The following BABAM2 variants were observed in gnomAD, a reference collection of about 807,000 sequenced individuals.
BABAM2 encodes BRISC and BRCA1 A complex member 2.
In BABAM2, 31 loss-of-function variants were observed where a neutral mutation model predicts 54.7. That is an observed-to-expected ratio of 0.57 (90% confidence interval 0.43 to 0.77). The LOEUF is 0.77. BABAM2 is among the 30% of genes least tolerant of loss of function. BABAM2 has a pLI of 0.00. For synonymous variants in BABAM2, 167 were observed against 162.9 expected (o/e 1.03, Z -0.19); for missense variants, 364 against 455.8 (o/e 0.80, Z 1.83).
At chr2:27,901,204 A>T (rs577422090) in intron 2 of BABAM2, among the ~76,000 whole-genome samples, 19 of 152,212 alleles carry the variant, frequency 1.2e-4, no homozygotes, top group African/African-American at 4.3e-4. Flanking sequence ...GCTCTGTGTT[A>T]ATTTGATCAC....
At chr2:28,016,053 G>A (rs1344094162) in intron 4 of BABAM2, 2 of 707,250 alleles carry the variant, frequency 2.8e-6, no homozygotes, top group African/African-American at 1.8e-5. Flanking sequence ...TTTCTGACAT[G>A]GACCTTTCAG....
At chr2:27,987,834 A>G (rs1672512330) in intron 3 of BABAM2, among the ~76,000 whole-genome samples, 159 bp from the exon 4 acceptor site, 1 of 151,222 alleles carries the variant, frequency 6.6e-6, no homozygotes, top group Non-Finnish European at 1.5e-5. Flanking sequence ...AAAAAAAAAG[A>G]TATCAGTTTA....
chr2:28,302,865 T>A (rs1248950082), intron 11 of BABAM2, among the ~76,000 whole-genome samples: 4 of 152,220 alleles, frequency 2.6e-5, no homozygotes, highest in Non-Finnish European at 5.9e-5. Flanking sequence ...TATTGGTTTA[T>A]CTCTTTCATG....
Position 27,929,816 on chromosome 2 carries a change from T to C in BABAM2, c.129-16T>C. ...TAAAAAATCTTTTCTTTCTTCTGTT[T>C]CTGCATTTTTTAAAGCTGCACATCA... On this transcript the variant is annotated splice_polypyrimidine_tract_variant and intron_variant, in intron 2 of 11. Transcript: ENST00000379624. The C allele has an allele frequency of 6.2e-7, 1 of 1,609,714 alleles. No homozygotes were observed. The highest frequency in any genetic ancestry group is 1.1e-5 in the South Asian group (1 of 90,546).
At chr2:28,242,128 G>GC (rs1322827445) in intron 9 of BABAM2, among the ~76,000 whole-genome samples, 1 of 152,066 alleles carries the variant, frequency 6.6e-6, no homozygotes, top group African/African-American at 2.4e-5. Flanking sequence ...TGGAAGTCGC[G>GC]CCCCTAGAAG....
At chr2:28,321,067 T>A (rs1397350619) in intron 11 of BABAM2, among the ~76,000 whole-genome samples, 1 of 152,200 alleles carries the variant, frequency 6.6e-6, no homozygotes. Context: ...CAGGCCCTTG[T>A]CAATAAGAGC....
At chr2:28,014,529 C>T (rs567047639) in intron 4 of BABAM2, among the ~76,000 whole-genome samples, 1 of 152,138 alleles carries the variant, frequency 6.6e-6, no homozygotes, top group East Asian at 1.9e-4. Context: ...CCAAATTAAT[C>T]CCAGAAGTGG....
chr2:28,262,215 A>C (rs1309539685), intron 10 of BABAM2, among the ~76,000 whole-genome samples: 1 of 152,154 alleles, frequency 6.6e-6, no homozygotes, highest in Non-Finnish European at 1.5e-5. Flanking sequence ...AAGTAGTAAG[A>C]GATTAAGCTA....
rs1446498712 is a variant in BABAM2, at chr2:28,065,015, AAAAG to A, written c.570+19219_570+19222del. 5.1e-4 allele frequency among the ~76,000 whole-genome samples: 78 copies of A among 152,240 alleles called. 1 individual carries two copies. The highest frequency in any genetic ancestry group is 2.8e-3 in the Admixed American group (43 of 15,282). ...GAGACTCTATCTCAAAAAAAAAAAA[AAAAG>A]AACCATTTACTTGAGGGCACACAGC... On this transcript the variant is annotated intron_variant, in intron 6 of 11. Transcript: ENST00000379624.
At chr2:27,890,700 C>G (rs920641345), upstream of BABAM2, 1 of 170,490 alleles carries the variant, frequency 5.9e-6, no homozygotes, top group African/African-American at 2.4e-5. This position sits in a 1 kb window ranked among gnomAD's most constrained non-coding sequence, Gnocchi z 4.8. Context: ...GCTTCGGGGC[C>G]GCAGAGGGGG....
intron 5 of BABAM2, among the ~76,000 whole-genome samples, chr2:28,043,048 A>C (rs1677248029): frequency 6.6e-6 from 1 of 151,724 alleles, no homozygotes; most frequent in South Asian, 2.1e-4. Context: ...AATGATGTTT[A>C]TATGCTGATG....
intron 3 of BABAM2, among the ~76,000 whole-genome samples, chr2:27,947,844 G>GA (rs1192705023): frequency 6.6e-6 from 1 of 152,136 alleles, no homozygotes; most frequent in Non-Finnish European, 1.5e-5. Context: ...CTGATGAAAA[G>GA]AATGCTCTTT....
At chr2:27,997,015 A>G (rs1323319921) in intron 4 of BABAM2, among the ~76,000 whole-genome samples, 1 of 152,236 alleles carries the variant, frequency 6.6e-6, no homozygotes, top group Non-Finnish European at 1.5e-5. Flanking sequence ...AAGCAAAAGT[A>G]CAAAAGACTT....
intron 3 of BABAM2, among the ~76,000 whole-genome samples, chr2:27,958,198 A>G (rs559000438): frequency 6.6e-6 from 1 of 152,294 alleles, no homozygotes; most frequent in African/African-American, 2.4e-5. Flanking sequence ...TGTTTTAAGC[A>G]CTGAGTTTGG....
At chr2:27,956,294 C>T (rs182121326) in intron 3 of BABAM2, among the ~76,000 whole-genome samples, 61 of 152,016 alleles carry the variant, frequency 4.0e-4, no homozygotes, top group Admixed American at 9.2e-4. Flanking sequence ...TTTTTGAAGG[C>T]CAAATTTATG....
intron 3 of BABAM2, among the ~76,000 whole-genome samples, chr2:27,939,140 A>G (rs1234803068): frequency 1.3e-5 from 2 of 152,050 alleles, no homozygotes; most frequent in African/African-American, 4.8e-5. Flanking sequence ...TTTAGTAGAG[A>G]CAGGGTTTCA....
intron 6 of BABAM2, among the ~76,000 whole-genome samples, chr2:28,051,815 A>C (rs960947241): frequency 6.6e-6 from 1 of 151,910 alleles, no homozygotes; most frequent in African/African-American, 2.4e-5. Context: ...GGCCTGGCTA[A>C]TTTTTTGTGT....
chr2:27,940,349 G>A (rs995638262), intron 3 of BABAM2, among the ~76,000 whole-genome samples: 3 of 152,140 alleles, frequency 2.0e-5, no homozygotes, highest in African/African-American at 7.2e-5. Flanking sequence ...GTGTTTTTGT[G>A]TACTGTATTT....
At chr2:27,994,371 G>A (rs1413769886) in intron 4 of BABAM2, among the ~76,000 whole-genome samples, 2 of 152,132 alleles carry the variant, frequency 1.3e-5, no homozygotes, top group South Asian at 2.1e-4. Flanking sequence ...CACGTGTATA[G>A]CATGGTGAAT....
Sources: allele counts gnomAD v4.1 joint callset (sites outside exome capture counted in the v4.1 genomes callset), GRCh38; gene constraint gnomAD v4.1.1; non-coding constraint Gnocchi (gnomAD v3.1); transcripts MANE v1.5; gene names NCBI Gene and HGNC (gene_info 2026-07-23, HGNC 2026-07-21).